MGMT: variants seen among roughly 807,000 people sequenced by gnomAD.
The protein encoded by MGMT is methylated-DNA--protein-cysteine methyltransferase.
In MGMT, 14 loss-of-function variants were observed where a neutral mutation model predicts 15.9. The ratio of observed to expected loss-of-function variants is 0.88; its 90% CI spans 0.58 to 1.37. MGMT has a LOEUF of 1.37. Among genes scored for constraint, MGMT ranks in the 40% most tolerant of loss-of-function variants. The pLI, the probability that MGMT is intolerant of heterozygous loss-of-function variation, is 0.00. For synonymous variants in MGMT, 130 were observed against 118.2 expected (o/e 1.10, Z -0.65); for missense variants, 282 against 268.1 (o/e 1.05, Z -0.36).
intron 4 of MGMT, 44 bp from the exon 5 acceptor site, chr10:129,766,741 CGTT>C: frequency 1.3e-6 from 2 of 1,551,252 alleles, no homozygotes; most frequent in Non-Finnish European, 1.8e-6. Context: ...CCAAAGACCT[CGTT>C]GTCCAGATCC....
At position 129,764,231 on chromosome 10, in the gene MGMT, G is replaced by A. The variant is rs912571673; in HGVS notation, c.415-2557G>A. Among the ~76,000 whole-genome samples the A allele has an allele frequency of 3.3e-5, 5 of 152,264 alleles. No individual in the cohort carries two copies. In the East Asian group the frequency reaches 9.6e-4, roughly 29 times the overall value. ...CGGAGGCTGAGACAGGCCTGGTGGG[G>A]CCTTGCGGGGTGATGGGGGCCATAG... On this transcript the variant is annotated intron_variant, in intron 4 of 4. Coordinates refer to ENST00000651593, the MANE Select transcript of MGMT (RefSeq NM_002412.5).
In MGMT at chr10:129,532,671, C is replaced by G. The variant is rs959999421; in HGVS notation, c.-12-3570C>G. On this transcript the variant is annotated intron_variant, in intron 1 of 4. Transcript: ENST00000651593. The surrounding 1 kb of genome is among the most constrained non-coding windows in gnomAD (Gnocchi z 5.3). Reference sequence around the variant, plus strand: ...GGCTGACGCTTGGATTGGGGGTGAACTCGAGGTGTGGTCTGTGCAGAATGG... The same window carrying G: ...GGCTGACGCTTGGATTGGGGGTGAAGTCGAGGTGTGGTCTGTGCAGAATGG... Among the ~76,000 whole-genome samples the G allele has an allele frequency of 2.6e-5, 4 of 152,108 alleles. No individual in the cohort carries two copies. The highest frequency in any genetic ancestry group is 9.7e-5 in the African/African-American group (4 of 41,422).
At chr10:129,504,780 C>T (rs60045559) in intron 1 of MGMT, among the ~76,000 whole-genome samples, 2,437 of 152,198 alleles carry the variant, frequency 0.016, 77 homozygotes, top group African/African-American at 0.056. Context: ...GATTTTGGTT[C>T]CCACTGTTGC....
Position 129,569,184 on chromosome 10 carries a change from C to T in MGMT, c.125+32807C>T, listed in dbSNP as rs115689186. ...CTTCCTCCTCTGCTAATGCGGCACTCTCATGCCTGCCTCGCAGGTTCAGAT... is the reference window on the plus strand; with the variant it reads ...CTTCCTCCTCTGCTAATGCGGCACTTTCATGCCTGCCTCGCAGGTTCAGAT... On this transcript the variant is annotated intron_variant, in intron 2 of 4. Transcript: ENST00000651593. 2.3e-3 allele frequency among the ~76,000 whole-genome samples: 357 copies of T among 152,288 alleles called. 2 individuals are homozygous for T. Among genetic ancestry groups the T allele is most frequent in the African/African-American group, 8.3e-3 (343 of 41,566 alleles).
At chr10:129,475,872 A>G (rs1301520643) in intron 1 of MGMT, among the ~76,000 whole-genome samples, 1 of 152,248 alleles carries the variant, frequency 6.6e-6, no homozygotes. Context: ...CCTCTTGGCC[A>G]TAGTTGACCA....
intron 3 of MGMT, among the ~76,000 whole-genome samples, chr10:129,748,096 C>T (rs907270369): frequency 6.6e-6 from 1 of 152,170 alleles, no homozygotes; most frequent in Non-Finnish European, 1.5e-5. Flanking sequence ...GTACTGCACT[C>T]GTCCCGAAGA....
At chr10:129,580,389 G>A (rs988833817) in intron 2 of MGMT, among the ~76,000 whole-genome samples, 2 of 152,182 alleles carry the variant, frequency 1.3e-5, no homozygotes, top group African/African-American at 2.4e-5. Flanking sequence ...AGAAACTGAG[G>A]CATGGAGAGG....
intron 2 of MGMT, among the ~76,000 whole-genome samples, chr10:129,678,602 A>G (rs543379787): frequency 1.3e-5 from 2 of 152,312 alleles, no homozygotes; most frequent in South Asian, 2.1e-4. Context: ...AGACTGTAGG[A>G]GACACACTGT....
In MGMT at chr10:129,520,744, C is replaced by G. The variant is rs145606234; in HGVS notation, c.-12-15497C>G. ...CCCCTATGGTGCGGGTACAGAACCC[C>G]TACGGTGAGGGTGCAGAACCCCTAA... On this transcript the variant is annotated intron_variant, in intron 1 of 4. Transcript: ENST00000651593. 6.0e-3 allele frequency among the ~76,000 whole-genome samples: 905 copies of G among 151,388 alleles called. 5 individuals are homozygous for G. Among genetic ancestry groups the G allele is most frequent in the Non-Finnish European group, 9.2e-3 (622 of 67,762 alleles).
At chr10:129,522,512 T>C (rs561746715) in intron 1 of MGMT, among the ~76,000 whole-genome samples, 7 of 152,348 alleles carry the variant, frequency 4.6e-5, no homozygotes, top group African/African-American at 1.7e-4. Context: ...CACAAGGGTT[T>C]GGTTGTTGAA....
chr10:129,518,373 C>CACACACA (rs1260129134), intron 1 of MGMT, among the ~76,000 whole-genome samples: 31 of 149,784 alleles, frequency 2.1e-4, no homozygotes, highest in African/African-American at 7.6e-4. Flanking sequence ...CACACACACA[C>CACACACA]ATTTGGCCCT....
chr10:129,585,652 A>G (rs997374905), intron 2 of MGMT, among the ~76,000 whole-genome samples: 3 of 152,350 alleles, frequency 2.0e-5, no homozygotes, highest in South Asian at 2.1e-4. Flanking sequence ...AGTCCTTAAC[A>G]TATAGCAAAT....
At chr10:129,677,896 G>T (rs1199923599) in intron 2 of MGMT, among the ~76,000 whole-genome samples, 2 of 152,134 alleles carry the variant, frequency 1.3e-5, no homozygotes, top group Non-Finnish European at 1.5e-5. Flanking sequence ...GATGAGGCCG[G>T]TTGTTGGCCA....
Position 129,766,774 on chromosome 10 carries a change from C to G in MGMT, c.415-14C>G. The stretch of plus-strand genomic sequence containing the variant: ...AGATCCCTGACTGACAGTGGCTGCC[C>G]CCCTGTCTTCCAGGTCCCCATCCTC... On this transcript the variant is annotated splice_polypyrimidine_tract_variant and intron_variant, in intron 4 of 4. Transcript: ENST00000651593. The G allele has an allele frequency of 6.2e-7, 1 of 1,608,588 alleles. No individual in the cohort carries two copies. The highest frequency in any genetic ancestry group is 8.5e-7 in the Non-Finnish European group (1 of 1,178,042).
chr10:129,615,085 A>G (rs1847007884), intron 2 of MGMT, among the ~76,000 whole-genome samples: 1 of 152,126 alleles, frequency 6.6e-6, no homozygotes, highest in African/African-American at 2.4e-5. Context: ...AAAAGGGGGA[A>G]AATGGTTGTT....
intron 3 of MGMT, among the ~76,000 whole-genome samples, chr10:129,746,305 A>C (rs114176561): frequency 0.012 from 1,857 of 151,480 alleles, 34 homozygotes; most frequent in African/African-American, 0.042. Flanking sequence ...TTTCACAAAC[A>C]AGTTTTTTTT....
intron 2 of MGMT, 104 bp downstream of exon 2, chr10:129,536,481 C>A (rs1845986061): frequency 3.5e-6 from 5 of 1,414,420 alleles, no homozygotes; most frequent in Non-Finnish European, 4.7e-6. Flanking sequence ...TAACGCATAG[C>A]CTTACCCCCA....
chr10:129,636,780 A>G (rs181236393), intron 2 of MGMT, among the ~76,000 whole-genome samples: 283 of 152,376 alleles, frequency 1.9e-3, no homozygotes, highest in African/African-American at 4.3e-3. Flanking sequence ...TTAAAAAAGT[A>G]TGTGAACATA....
At chr10:129,736,341 T>G (rs1218590869) in intron 3 of MGMT, among the ~76,000 whole-genome samples, 1 of 151,810 alleles carries the variant, frequency 6.6e-6, no homozygotes, top group African/African-American at 2.4e-5. Context: ...CTTTTGATCT[T>G]TGTTGGTTTA....
Sources: gnomAD v4.1 joint callset for allele counts (sites outside exome capture counted in the v4.1 genomes callset) on GRCh38, gnomAD v4.1.1 for gene constraint, Gnocchi (gnomAD v3.1) non-coding constraint, MANE v1.5 for transcripts, NCBI Gene and HGNC (gene_info 2026-07-23, HGNC 2026-07-21) for gene names.